The following DISC1 variants were observed in gnomAD, a reference collection of about 807,000 sequenced individuals.
DISC1 encodes the protein disrupted in schizophrenia 1 protein.
Under a neutral mutation model 84.5 loss-of-function variants are expected in DISC1, and 57 were observed. That is an observed-to-expected ratio of 0.67 (90% CI 0.55 to 0.84). DISC1 has a LOEUF of 0.84. DISC1 is among the 40% of genes least tolerant of loss of function. The pLI is 0.00. For missense variants in DISC1, 1,000 were observed against 1,057.8 expected, an observed-to-expected ratio of 0.95 and a Z score of 0.76; for synonymous variants, 411 against 415.2, an observed-to-expected ratio of 0.99 and a Z score of 0.12.
chr1:231,677,041 G>T (rs1049292847), intron 1 of DISC1, among the ~76,000 whole-genome samples: 1 of 152,138 alleles, frequency 6.6e-6, no homozygotes, highest in Non-Finnish European at 1.5e-5. Flanking sequence ...GTAGTGTCTG[G>T]TCAGGGCGCA....
intron 3 of DISC1, among the ~76,000 whole-genome samples, chr1:231,713,631 C>T (rs1164469922): frequency 3.5e-5 from 5 of 141,836 alleles, no homozygotes; most frequent in East Asian, 2.0e-4. Flanking sequence ...GCAAAAGTAA[C>T]GAAGAGAAGT....
chr1:231,766,152 T>C (rs971951991), intron 4 of DISC1, among the ~76,000 whole-genome samples: 8 of 151,978 alleles, frequency 5.3e-5, no homozygotes, highest in African/African-American at 1.9e-4. Flanking sequence ...TAGCTGGGCA[T>C]GGTGGCACAC....
intron 6 of DISC1, among the ~76,000 whole-genome samples, chr1:231,773,120 A>G (rs1422927509): frequency 6.6e-6 from 1 of 152,170 alleles, no homozygotes; most frequent in Non-Finnish European, 1.5e-5. Context: ...GTGTACAACT[A>G]TGGCTGTCTT....
At chr1:231,847,622 T>A (rs1014552757) in intron 9 of DISC1, among the ~76,000 whole-genome samples, 4 of 152,154 alleles carry the variant, frequency 2.6e-5, no homozygotes, top group African/African-American at 9.7e-5. Context: ...TCCTTACATG[T>A]CTAGATGCAC....
chr1:231,673,129 G>T (rs1237292063), intron 1 of DISC1, among the ~76,000 whole-genome samples: 1 of 152,108 alleles, frequency 6.6e-6, no homozygotes, highest in Non-Finnish European at 1.5e-5. Context: ...GCCTTCCTTT[G>T]CCACTCAAGA....
At chr1:231,933,957 C>G (rs2090827306) in intron 9 of DISC1, among the ~76,000 whole-genome samples, 1 of 152,174 alleles carries the variant, frequency 6.6e-6, no homozygotes, top group African/African-American at 2.4e-5. Context: ...GATTCCTGGT[C>G]CGGGCTCCAG....
intron 9 of DISC1, among the ~76,000 whole-genome samples, chr1:231,881,616 A>G (rs2125983892): frequency 6.6e-6 from 1 of 152,220 alleles, no homozygotes; most frequent in South Asian, 2.1e-4. Flanking sequence ...GGAGGGGGGC[A>G]CATAATTCAA....
chr1:231,820,322 A>C (rs1164626737), intron 9 of DISC1, among the ~76,000 whole-genome samples: 1 of 152,182 alleles, frequency 6.6e-6, no homozygotes, highest in Admixed American at 6.5e-5. Context: ...GTCCATATTC[A>C]GCTTTTTTTG....
chr1:231,643,564 G>C (rs2059900288), intron 1 of DISC1, among the ~76,000 whole-genome samples: 1 of 152,150 alleles, frequency 6.6e-6, no homozygotes, highest in South Asian at 2.1e-4. Flanking sequence ...AGAGTTTCAA[G>C]TACATACAGT....
intron 3 of DISC1, among the ~76,000 whole-genome samples, chr1:231,724,572 C>A (rs988748293): frequency 1.3e-5 from 2 of 152,164 alleles, no homozygotes; most frequent in African/African-American, 4.8e-5. Context: ...CCTAGCTCTT[C>A]CCCCAAAGGC....
chr1:231,828,087 T>C (rs754688766), intron 9 of DISC1, among the ~76,000 whole-genome samples: 3 of 152,232 alleles, frequency 2.0e-5, no homozygotes, highest in Non-Finnish European at 4.4e-5. Context: ...ATGTTTAATT[T>C]TTGGTGTATT....
At chr1:231,845,618 G>T (rs1347969663) in intron 9 of DISC1, among the ~76,000 whole-genome samples, 2 of 152,200 alleles carry the variant, frequency 1.3e-5, no homozygotes, top group African/African-American at 4.8e-5. Context: ...GAGCACGCCA[G>T]GCTGGGGGTT....
intron 9 of DISC1, among the ~76,000 whole-genome samples, chr1:231,849,505 A>G (rs1368230148): frequency 2.6e-5 from 4 of 152,148 alleles, no homozygotes; most frequent in South Asian, 2.1e-4. Flanking sequence ...CCAGGAGCCA[A>G]TAGCAGGGCT....
At chr1:231,724,160 G>T (rs1437987510) in intron 3 of DISC1, 1 of 467,340 alleles carries the variant, frequency 2.1e-6, no homozygotes, top group Non-Finnish European at 2.8e-6. Flanking sequence ...ATGCTCAATT[G>T]TCATATCCTC....
intron 1 of DISC1, among the ~76,000 whole-genome samples, chr1:231,656,826 A>G (rs1478649262): frequency 6.6e-6 from 1 of 151,936 alleles, no homozygotes; most frequent in Non-Finnish European, 1.5e-5. Flanking sequence ...GTTCCCCTCT[A>G]TGTGTCCATG....
In DISC1 at chr1:231,954,521, C is replaced by T. The variant is rs1415148700; in HGVS notation, c.1982-4307C>T. 6.6e-6 allele frequency among the ~76,000 whole-genome samples: 1 copy of T among 152,200 alleles called. No homozygotes were observed. The highest frequency in any genetic ancestry group is 1.5e-5 in the Non-Finnish European group (1 of 68,034). ...AGAAACAGTGAATGTGTTCCTGCTT[C>T]TTCCTGATCAGGAAGGGGGTCTGCA... On this transcript the variant is annotated intron_variant, in intron 9 of 12. Transcript: ENST00000439617. This position sits in a 1 kb window ranked among gnomAD's most constrained non-coding sequence, Gnocchi z 4.8.
intron 9 of DISC1, among the ~76,000 whole-genome samples, chr1:231,932,640 C>G (rs1290355259): frequency 6.6e-6 from 1 of 152,152 alleles, no homozygotes; most frequent in Admixed American, 6.6e-5. Flanking sequence ...CATTCACATT[C>G]TAGTCAGTGT....
At chr1:231,703,462 G>GCTGCCCA (rs2066657048) in intron 3 of DISC1, among the ~76,000 whole-genome samples, 1 of 152,186 alleles carries the variant, frequency 6.6e-6, no homozygotes, top group South Asian at 2.1e-4. Context: ...TAGTTTTGAA[G>GCTGCCCA]CTGCCCACTA....
intron 9 of DISC1, among the ~76,000 whole-genome samples, chr1:231,916,913 G>A (rs1386608832): frequency 6.6e-6 from 1 of 152,110 alleles, no homozygotes; most frequent in Admixed American, 6.6e-5. Flanking sequence ...CTGGGATCTT[G>A]TCCCTTGAGC....
Sources: allele counts gnomAD v4.1 joint callset (sites outside exome capture counted in the v4.1 genomes callset), GRCh38; gene constraint gnomAD v4.1.1; non-coding constraint Gnocchi (gnomAD v3.1); transcripts MANE v1.5; gene names NCBI Gene and HGNC (gene_info 2026-07-23, HGNC 2026-07-21).